Variants in SPHKAP observed in about 807,000 individuals in gnomAD.
SPHKAP encodes A-kinase anchor protein SPHKAP.
Under a neutral mutation model 137.5 loss-of-function variants are expected in SPHKAP, and 67 were observed. The observed-to-expected ratio is 0.49, with a 90% CI of 0.40 to 0.60. The LOEUF (loss-of-function observed/expected upper bound fraction) is 0.60, where lower values mean the gene tolerates loss of function less well. Among genes scored for constraint, SPHKAP ranks in the 20% least tolerant of loss-of-function variants. SPHKAP has a pLI of 0.00. For synonymous variants in SPHKAP, 813 were observed against 785.3 expected, an observed-to-expected ratio of 1.04 and a Z score of -0.59; for missense variants, 2,097 against 2,069.3, an observed-to-expected ratio of 1.01 and a Z score of -0.26.
rs1247614055 is a variant in SPHKAP, at chr2:227,981,556, T to C, written c.*161A>G. The C allele has an allele frequency of 2.9e-5, 26 of 895,676 alleles. No individual in the cohort carries two copies. In the Middle Eastern group the frequency reaches 1.6e-3, roughly 55 times the overall value. The allele number at this position is 895,676 out of a possible 1,614,324, so 55.5% of individuals were successfully genotyped here. A position where few individuals can be genotyped will look rare whatever the true frequency, so the allele number is the denominator to read the frequency against. The stretch of plus-strand genomic sequence containing the variant: ...GGACAGACCTATATTTTGCTTTTCC[T>C]CTGACTTATTCTGTATGCAGTGGAT... On this transcript the variant is annotated 3_prime_UTR_variant, in exon 12 of 12. Coordinates refer to ENST00000392056, the MANE Select transcript of SPHKAP (RefSeq NM_001142644.2).
intron 5 of SPHKAP, 22 bp downstream of exon 5, chr2:228,025,372 T>A: frequency 6.2e-7 from 1 of 1,612,978 alleles, no homozygotes; most frequent in Non-Finnish European, 8.5e-7. Context: ...AGTAAATGGC[T>A]TATCAAGAAC....
rs55966167 is a variant in SPHKAP at position 228,001,262 on chromosome 2, C to CATAT, written c.4449-5572_4449-5569dup. Among the ~76,000 whole-genome samples, 360 of 142,146 alleles carry CATAT rather than the reference C, an allele frequency of 2.5e-3. 1 individual carries two copies. Among genetic ancestry groups the CATAT allele is most frequent in the African/African-American group, 7.0e-3 (272 of 38,884 alleles). 93.3% of individuals were successfully genotyped at this position (142,146 alleles called of 152,430 possible). A position where few individuals can be genotyped will look rare whatever the true frequency, so the allele number is the denominator to read the frequency against. ...ATATATATATATACACACACACACA[C>CATAT]ATATATAAATATATCTATACATATA... On this transcript the variant is annotated intron_variant, in intron 7 of 11. Transcript: ENST00000392056.
chr2:228,127,186 G>C (rs778698917), intron 2 of SPHKAP, among the ~76,000 whole-genome samples: 1 of 152,152 alleles, frequency 6.6e-6, no homozygotes, highest in Non-Finnish European at 1.5e-5. Context: ...AACTGTCCTT[G>C]TTCTTTTTGC....
rs373004870 is a variant in SPHKAP at position 228,127,807 on chromosome 2, C to A, written c.138+4173G>T. ...TCAGTCGCAGACCCCCACAACAGAG[C>A]AAATATCACAATAAAGGGACTCACA... On this transcript the variant is annotated intron_variant, in intron 2 of 11. Coordinates refer to ENST00000392056, the MANE Select transcript of SPHKAP (RefSeq NM_001142644.2). Among the ~76,000 whole-genome samples the A allele has an allele frequency of 6.2e-4, 95 of 152,154 alleles. 1 individual carries two copies. The highest frequency in any genetic ancestry group is 2.2e-3 in the African/African-American group (90 of 41,514).
At chr2:228,155,106 C>G (rs1461187569) in intron 1 of SPHKAP, among the ~76,000 whole-genome samples, 3 of 152,010 alleles carry the variant, frequency 2.0e-5, no homozygotes, top group African/African-American at 4.8e-5. Flanking sequence ...CTAGCTGTAC[C>G]TTTGCCCAAT....
At chr2:228,159,754 G>T (rs1465288830) in intron 1 of SPHKAP, among the ~76,000 whole-genome samples, 1 of 152,042 alleles carries the variant, frequency 6.6e-6, no homozygotes. Context: ...GACTACAGGG[G>T]GCTTCAATCA....
At chr2:228,157,733 TAA>T (rs1700148242) in intron 1 of SPHKAP, among the ~76,000 whole-genome samples, 1 of 152,168 alleles carries the variant, frequency 6.6e-6, no homozygotes, top group South Asian at 2.1e-4. Flanking sequence ...GGGTAGTACA[TAA>T]GTCTGTTTTA....
At chr2:228,154,498 C>G (rs1418273109) in intron 1 of SPHKAP, among the ~76,000 whole-genome samples, 1 of 26,742 alleles carries the variant, frequency 3.7e-5, no homozygotes, top group Non-Finnish European at 7.1e-5. Flanking sequence ...CTCTCTCTCT[C>G]TCTCTCTCTC....
chr2:228,094,400 T>G (rs1248881340), intron 3 of SPHKAP, among the ~76,000 whole-genome samples: 5 of 152,332 alleles, frequency 3.3e-5, no homozygotes, highest in South Asian at 2.1e-4. Flanking sequence ...TCATAGCTCT[T>G]GGGTTCTGCG....
Position 228,016,656 on chromosome 2 carries a change from C to T in SPHKAP, c.4198G>A (p.Asp1400Asn), listed in dbSNP as rs1694606287. Residue 1400 changes from aspartate to asparagine, a missense_variant, in exon 7 of 12, where the codon GAT (aspartate) becomes AAT (asparagine). Coordinates refer to ENST00000392056, the MANE Select transcript of SPHKAP (RefSeq NM_001142644.2). The part of the protein sequence containing the change: ...TASLTNHSPL[D>N]SKKETSSCQD... ...CACGAGGAAGTTTCTTTTTTAGAAT[C>T]TAAAGGGCTGTGGTTTGTAAGAGAA... is the stretch of plus-strand genomic sequence containing the variant. 1 of 1,613,814 alleles carries T rather than the reference C, an allele frequency of 6.2e-7. No individual in the cohort carries two copies. Among genetic ancestry groups the T allele is most frequent in the African/African-American group, 1.3e-5 (1 of 74,866 alleles).
chr2:227,989,632 G>A (rs945019489), intron 11 of SPHKAP, among the ~76,000 whole-genome samples: 2 of 152,122 alleles, frequency 1.3e-5, no homozygotes, highest in African/African-American at 4.8e-5. Flanking sequence ...TTGAGACAAT[G>A]TCTGACTCTG....
chr2:228,026,832 T>C (rs888328594), intron 4 of SPHKAP, among the ~76,000 whole-genome samples: 1 of 152,224 alleles, frequency 6.6e-6, no homozygotes, highest in Non-Finnish European at 1.5e-5. Context: ...TAATTGCAGG[T>C]CTACTGTTCT....
At position 228,137,262 on chromosome 2, in the gene SPHKAP, G is replaced by A. The variant is rs142341027; in HGVS notation, c.33-5177C>T. 1.6e-3 allele frequency among the ~76,000 whole-genome samples: 238 copies of A among 152,302 alleles called. 1 individual carries two copies. Among genetic ancestry groups the A allele is most frequent in the African/African-American group, 5.4e-3 (223 of 41,576 alleles). On this transcript the variant is annotated intron_variant, in intron 1 of 11. Coordinates refer to ENST00000392056, the MANE Select transcript of SPHKAP (RefSeq NM_001142644.2). ...GGGATCACTTAGGACACAGGACAGCGCCAGTCAGTGGGAGATGCCCAACAA... is the reference window on the plus strand; with the variant it reads ...GGGATCACTTAGGACACAGGACAGCACCAGTCAGTGGGAGATGCCCAACAA...
intron 3 of SPHKAP, among the ~76,000 whole-genome samples, chr2:228,101,580 G>T (rs1396156076): frequency 1.3e-5 from 2 of 152,136 alleles, no homozygotes; most frequent in East Asian, 3.8e-4. Context: ...CACTCTTCTA[G>T]CATTTTACCA....
At chr2:228,147,816 A>G (rs991023083) in intron 1 of SPHKAP, among the ~76,000 whole-genome samples, 4 of 152,146 alleles carry the variant, frequency 2.6e-5, no homozygotes, top group African/African-American at 9.7e-5. Context: ...CCACAGCATC[A>G]CAGTAGGGGA....
chr2:228,147,065 A>AT (rs1699798365), intron 1 of SPHKAP, among the ~76,000 whole-genome samples: 2 of 152,204 alleles, frequency 1.3e-5, no homozygotes, highest in Admixed American at 6.6e-5. Context: ...TTTTATTTCT[A>AT]AATTTGTTAT....
intron 3 of SPHKAP, among the ~76,000 whole-genome samples, chr2:228,087,094 C>G (rs1208440493): frequency 6.6e-6 from 1 of 151,918 alleles, no homozygotes; most frequent in African/African-American, 2.4e-5. Flanking sequence ...ACTAGACAGC[C>G]AAAAAAGAAA....
intron 3 of SPHKAP, among the ~76,000 whole-genome samples, chr2:228,086,832 T>G (rs1328622235): frequency 6.6e-6 from 1 of 152,102 alleles, no homozygotes; most frequent in Non-Finnish European, 1.5e-5. Flanking sequence ...ATAGCCCCAG[T>G]TAATTAAGAG....
intron 3 of SPHKAP, among the ~76,000 whole-genome samples, chr2:228,093,428 T>C (rs1697873979): frequency 6.6e-6 from 1 of 152,194 alleles, no homozygotes; most frequent in South Asian, 2.1e-4. Flanking sequence ...CAATGCAATA[T>C]TACTTAGCAA....
Sources: allele counts gnomAD v4.1 joint callset (sites outside exome capture counted in the v4.1 genomes callset), GRCh38; gene constraint gnomAD v4.1.1; transcripts MANE v1.5; gene names NCBI Gene and HGNC (gene_info 2026-07-23, HGNC 2026-07-21).